Variants in ZFHX3 observed in about 807,000 individuals in gnomAD.
ZFHX3 encodes zinc finger homeobox 3.
Under a neutral mutation model 279.1 loss-of-function variants are expected in ZFHX3, and 42 were observed. That is an observed-to-expected ratio of 0.15 (90% CI 0.12 to 0.19). The LOEUF is 0.19. Ranked by LOEUF, ZFHX3 falls within the 10% of genes least tolerant of loss-of-function variation. The pLI is 1.00. For synonymous variants in ZFHX3, 2,293 were observed against 1,957.8 expected, an observed-to-expected ratio of 1.17 and a Z score of -4.52; for missense variants, 4,981 against 4,754.0, an observed-to-expected ratio of 1.05 and a Z score of -1.40.
At chr16:72,987,938 C>T (rs1043679120) in intron 1 of ZFHX3, among the ~76,000 whole-genome samples, 9 of 152,162 alleles carry the variant, frequency 5.9e-5, no homozygotes, top group Admixed American at 2.6e-4. Flanking sequence ...CATATGCTCA[C>T]GGGGCCCATG....
chr16:73,767,816 A>G (rs1391936961), intron 1 of ZFHX3, among the ~76,000 whole-genome samples: 1 of 152,190 alleles, frequency 6.6e-6, no homozygotes, highest in Non-Finnish European at 1.5e-5. Flanking sequence ...ATCAGCTGAT[A>G]GTAGTACCCA....
chr16:72,901,241 T>C (rs968640984), intron 3 of ZFHX3, among the ~76,000 whole-genome samples: 4 of 152,194 alleles, frequency 2.6e-5, no homozygotes, highest in African/African-American at 4.8e-5. Context: ...CCAGATGTCT[T>C]GCTGGAACCG....
chr16:73,169,470 G>A (rs192582695), intron 5 of ZFHX3, among the ~76,000 whole-genome samples: 55 of 152,148 alleles, frequency 3.6e-4, no homozygotes, highest in African/African-American at 7.0e-4. Context: ...GTGAAACCCC[G>A]TCTCTACTAA....
intron 4 of ZFHX3, among the ~76,000 whole-genome samples, chr16:73,312,331 G>T (rs940156952): frequency 4.6e-5 from 7 of 152,120 alleles, no homozygotes; most frequent in African/African-American, 1.7e-4. Context: ...CACAGAGCTG[G>T]CACTAATCAC....
At position 73,391,601 on chromosome 16, in the gene ZFHX3, G is replaced by A. The variant is rs368341232; in HGVS notation, c.-1291+64402C>T. 1.3e-5 allele frequency among the ~76,000 whole-genome samples: 2 copies of A among 152,200 alleles called. 1 individual carries two copies. The stretch of plus-strand genomic sequence containing the variant: ...CATCTGTAAAATGGAACCCATAATA[G>A]TACCTACTACCAGGTGGAGGCAAAA... On this transcript the variant is annotated intron_variant, in intron 3 of 17. Transcript: ENST00000641206.
At chr16:73,213,179 G>A (rs1269529109) in intron 5 of ZFHX3, among the ~76,000 whole-genome samples, 1 of 152,204 alleles carries the variant, frequency 6.6e-6, no homozygotes, top group Admixed American at 6.5e-5. Flanking sequence ...AAAGGCCTGA[G>A]GGATCAGAGC....
rs540796588 is a variant in ZFHX3, at chr16:73,838,545, A to G, written c.-1608+53106T>C. 7.9e-5 allele frequency among the ~76,000 whole-genome samples: 12 copies of G among 152,328 alleles called. No homozygotes were observed. The South Asian group carries it at 8.3e-4, about 11-fold the overall frequency. On this transcript the variant is annotated intron_variant, in intron 1 of 17. Coordinates refer to the ZFHX3 transcript ENST00000641206. ...TATAGCTTCCAGATAGCCAAAAAAC[A>G]TAAGTTTGAAAGACCTTTGCAAACA... is the stretch of plus-strand genomic sequence containing the variant.
intron 2 of ZFHX3, among the ~76,000 whole-genome samples, chr16:73,617,616 G>T (rs1344036074): frequency 6.6e-6 from 1 of 151,930 alleles, no homozygotes; most frequent in East Asian, 1.9e-4. Context: ...AAAATTTATG[G>T]AAAAAAATAA....
At chr16:72,913,881 G>A (rs747126590) in intron 3 of ZFHX3, among the ~76,000 whole-genome samples, 1 of 152,164 alleles carries the variant, frequency 6.6e-6, no homozygotes, top group Admixed American at 6.5e-5. Flanking sequence ...GAGATTCAGG[G>A]CCCTCACAGT....
chr16:73,683,742 C>A (rs898261781), intron 1 of ZFHX3, among the ~76,000 whole-genome samples: 1 of 152,110 alleles, frequency 6.6e-6, no homozygotes, highest in Non-Finnish European at 1.5e-5. Flanking sequence ...CAGCAGCAGC[C>A]ATTAAGCCTC....
chr16:73,579,063 T>A (rs2051830055), intron 2 of ZFHX3, among the ~76,000 whole-genome samples: 1 of 152,298 alleles, frequency 6.6e-6, no homozygotes, highest in African/African-American at 2.4e-5. Flanking sequence ...TACAATCTAT[T>A]CTCTCTGAAG....
intron 5 of ZFHX3, among the ~76,000 whole-genome samples, chr16:73,214,589 T>TCATG (rs1320845636): frequency 6.6e-6 from 1 of 152,182 alleles, no homozygotes; most frequent in Non-Finnish European, 1.5e-5. Context: ...GACCCTTGAT[T>TCATG]CATGGTGTTG....
intron 3 of ZFHX3, among the ~76,000 whole-genome samples, chr16:73,388,253 G>C (rs890547489): frequency 1.3e-5 from 2 of 152,126 alleles, no homozygotes; most frequent in Non-Finnish European, 2.9e-5. Context: ...CCTGTGTGGA[G>C]TATTCCTAGG....
At chr16:73,324,734 T>C (rs2143207269) in intron 3 of ZFHX3, among the ~76,000 whole-genome samples, 1 of 152,276 alleles carries the variant, frequency 6.6e-6, no homozygotes, top group East Asian at 1.9e-4. Context: ...CTGAACTCTG[T>C]GATTTCAGGT....
intron 1 of ZFHX3, among the ~76,000 whole-genome samples, chr16:73,696,752 A>T (rs1332303883): frequency 6.6e-6 from 1 of 152,094 alleles, no homozygotes; most frequent in Non-Finnish European, 1.5e-5. Context: ...AGCAATCCCC[A>T]CACAAAAATC....
intron 2 of ZFHX3, among the ~76,000 whole-genome samples, chr16:73,611,107 G>GT (rs1373897586): frequency 1.3e-5 from 2 of 152,148 alleles, no homozygotes; most frequent in African/African-American, 4.8e-5. Flanking sequence ...ATCTTATTTT[G>GT]TTTTTGAAAA....
intron 4 of ZFHX3, among the ~76,000 whole-genome samples, chr16:73,271,961 A>C (rs962715232): frequency 1.3e-5 from 2 of 152,208 alleles, no homozygotes; most frequent in Non-Finnish European, 2.9e-5. Flanking sequence ...CAATGTCATC[A>C]TCCACAAAAT....
intron 1 of ZFHX3, among the ~76,000 whole-genome samples, chr16:73,007,190 C>T (rs1963737472): frequency 6.6e-6 from 1 of 152,174 alleles, no homozygotes; most frequent in Admixed American, 6.5e-5. Context: ...ATGCTAAATT[C>T]AATCTGTGAC....
intron 2 of ZFHX3, among the ~76,000 whole-genome samples, chr16:73,532,334 C>G (rs2019820370): frequency 6.6e-6 from 1 of 152,164 alleles, no homozygotes. Context: ...CTCATTCTCT[C>G]TTTGCCTGTG....
Sources: allele counts gnomAD v4.1 joint callset (sites outside exome capture counted in the v4.1 genomes callset), GRCh38; gene constraint gnomAD v4.1.1; transcripts MANE v1.5; gene names NCBI Gene and HGNC (gene_info 2026-07-23, HGNC 2026-07-21).